The following ZNF568 variants were observed in gnomAD, a reference collection of about 807,000 sequenced individuals.
ZNF568 encodes zinc finger protein 568.
ZNF568 carries 11 observed loss-of-function variants against 18.1 expected under a neutral mutation model. The ratio of observed to expected loss-of-function variants is 0.61; its 90% CI spans 0.38 to 1.00. ZNF568 has a LOEUF of 1.00. Ranked by LOEUF, ZNF568 falls within the 50% of genes least tolerant of loss-of-function variation. The pLI is 0.01. For missense variants in ZNF568, 639 were observed against 768.2 expected (o/e 0.83, Z 1.99); for synonymous variants, 213 against 246.6 (o/e 0.86, Z 1.28).
At chr19:36,963,067 G>A (rs1326858515) in intron 6 of ZNF568, among the ~76,000 whole-genome samples, 1 of 152,078 alleles carries the variant, frequency 6.6e-6, no homozygotes, top group Non-Finnish European at 1.5e-5. Flanking sequence ...TATTAAATAG[G>A]TTTTCATTGC....
Position 36,996,351 on chromosome 19 carries a change from T to C in ZNF568, c.264T>C (p.Ser88=), listed in dbSNP as rs1390614758. Residue 88 remains serine, a synonymous_variant, in exon 5 of 5, where the codon TCT becomes TCC. Transcript: ENST00000433993. ...TTGGAAGAGAAACCAAGAATTTATC[T>C]CCAAAGGAAAACATTTATGAAATTA... 2.0e-6 allele frequency: 3 copies of C among 1,532,766 alleles called. No homozygotes were observed. The South Asian group carries it at 3.6e-5, about 18-fold the overall frequency. The allele number at this position is 1,532,766 out of a possible 1,614,324, so 94.9% of individuals were successfully genotyped here.
chr19:36,924,876 A>C, intron 3 of ZNF568, among the ~76,000 whole-genome samples: 1 of 152,050 alleles, frequency 6.6e-6, no homozygotes, highest in East Asian at 1.9e-4. Flanking sequence ...CCAATCTTTA[A>C]ATTTTTGGGG....
chr19:36,997,220 A>G, exon 5 of ZNF568: 1 of 1,608,916 alleles, frequency 6.2e-7, no homozygotes, highest in Non-Finnish European at 8.5e-7. Flanking sequence ...CATGAATGTA[A>G]GGAATGTGGG....
At position 36,950,226 on chromosome 19, in the gene ZNF568, G is replaced by A; in HGVS notation, c.1073G>A (p.Gly358Glu). Residue 358 changes from glycine to glutamate, a missense_variant, in exon 7 of 7, where the codon GGG becomes GAG. Gly to Glu is a moderately conservative substitution (Grantham distance 98). Transcript: ENST00000333987. ...NLIEHEKIHT[G>E]EKPYACNECG... ...ATTGAGCACGAGAAAATTCATACTG[G>A]GGAGAAACCTTATGCATGTAATGAA... 2 of 1,613,770 alleles carry A rather than the reference G, an allele frequency of 1.2e-6. No individual in the cohort carries two copies. Among genetic ancestry groups the A allele is most frequent in the Non-Finnish European group, 1.7e-6 (2 of 1,179,868 alleles).
In ZNF568 at chr19:36,989,107, T is replaced by C. The variant is rs1026223530; in HGVS notation, c.10-2069T>C. Among the ~76,000 whole-genome samples, 3 of 152,204 alleles carry C rather than the reference T, an allele frequency of 2.0e-5. No homozygotes were observed. In the South Asian group the frequency reaches 6.2e-4, roughly 31 times the overall value. ...TGAACAGATTTCTTTTTCCTAAAAC[T>C]TCTTGGCTTCCCCAGGGACTTGTTC... On this transcript the variant is annotated intron_variant, in intron 2 of 4. Transcript: ENST00000433993.
At chr19:36,997,907 A>G (rs3745768), downstream of ZNF568, 99,945 of 316,180 alleles carry the variant, frequency 0.32, 16,679 homozygotes, top group Non-Finnish European at 0.34. Context: ...CCATGAATGT[A>G]AAGAAAGTAG....
intron 2 of ZNF568, chr19:36,991,117 G>T: frequency 6.7e-7 from 1 of 1,485,272 alleles, no homozygotes; most frequent in Non-Finnish European, 9.0e-7. Context: ...TTTCTTTTAT[G>T]TTGTCTTAAA....
rs147275739 is a variant in ZNF568 at position 36,996,592 on chromosome 19, A to G, written c.505A>G (p.Ile169Val). 835 of 1,535,860 alleles carry G rather than the reference A, an allele frequency of 5.4e-4. 9 individuals are homozygous for G. The African/African-American group carries it at 0.01, about 19-fold the overall frequency. The change falls in exon 5 of 5, where the codon ATT becomes GTT. Residue 169 changes from isoleucine to valine, a missense_variant. Transcript: ENST00000433993. ...TGCTTTTAGGTACCAGTCATGTCCT[A>G]TTCAACATGAAATAATTCATAATAA...
At chr19:36,925,391 C>G in intron 4 of ZNF568, 133 bp downstream of exon 4, 1 of 802,406 alleles carries the variant, frequency 1.2e-6, no homozygotes, top group Non-Finnish European at 2.0e-6. Context: ...GATAGAAAAT[C>G]AGAACCTGGG....
intron 4 of ZNF568, among the ~76,000 whole-genome samples, chr19:36,925,524 A>G (rs991494919): frequency 2.6e-5 from 4 of 152,210 alleles, no homozygotes; most frequent in East Asian, 1.9e-4. Flanking sequence ...CCGTAAGTCC[A>G]TAAGTTGCAC....
intron 6 of ZNF568, among the ~76,000 whole-genome samples, chr19:36,968,842 GGACAA>G (rs1182061828): frequency 6.7e-6 from 1 of 149,974 alleles, no homozygotes; most frequent in Non-Finnish European, 1.5e-5. Context: ...TGAATCTAAG[GGACAA>G]GCATGAATGA....
chr19:36,936,988 T>G, intron 5 of ZNF568, 116 bp downstream of exon 5: 3 of 1,390,138 alleles, frequency 2.2e-6, no homozygotes, highest in Non-Finnish European at 3.0e-6. Flanking sequence ...TGTGACTATA[T>G]GTGCTCCACT....
intron 4 of ZNF568, among the ~76,000 whole-genome samples, chr19:36,933,170 C>T (rs1279125439): frequency 7.9e-6 from 1 of 125,876 alleles, no homozygotes; most frequent in African/African-American, 3.1e-5. Context: ...TAAGCTCTTA[C>T]AGCTAGATCT....
At chr19:36,990,965 C>T in intron 2 of ZNF568, 1 of 479,964 alleles carries the variant, frequency 2.1e-6, no homozygotes, top group South Asian at 3.2e-5. Flanking sequence ...CAGAGGCTAC[C>T]TTTGCAGGAG....
At chr19:36,985,129 T>A (rs1256246757) in intron 2 of ZNF568, among the ~76,000 whole-genome samples, 3 of 152,202 alleles carry the variant, frequency 2.0e-5, no homozygotes, top group Admixed American at 2.0e-4. Flanking sequence ...CTTTTTGAAT[T>A]GCATTCTGCA....
chr19:36,992,578 C>G (rs562106747), intron 4 of ZNF568, among the ~76,000 whole-genome samples: 1 of 152,300 alleles, frequency 6.6e-6, no homozygotes, highest in Admixed American at 6.5e-5. Flanking sequence ...TACCTCCCCC[C>G]TCATTTCAGA....
intron 7 of ZNF568, among the ~76,000 whole-genome samples, chr19:36,974,863 G>A (rs563452290): frequency 2.6e-4 from 32 of 124,202 alleles, no homozygotes; most frequent in African/African-American, 9.9e-4. Context: ...GTCTCGTTCT[G>A]TTGCCCAGGC....
chr19:36,917,372 C>T (rs2073360692), intron 1 of ZNF568, among the ~76,000 whole-genome samples: 1 of 152,166 alleles, frequency 6.6e-6, no homozygotes, highest in Non-Finnish European at 1.5e-5. Context: ...AGCAAAGTTA[C>T]CTCGCAAAGA....
chr19:36,962,288 T>TTG (rs1361478323), intron 6 of ZNF568, among the ~76,000 whole-genome samples: 2 of 144,404 alleles, frequency 1.4e-5, no homozygotes, highest in East Asian at 2.0e-4. Flanking sequence ...TTTTTTTTTT[T>TTG]TTTTTTTTTT....
Sources: gnomAD v4.1 joint callset for allele counts (sites outside exome capture counted in the v4.1 genomes callset) on GRCh38, gnomAD v4.1.1 for gene constraint, MANE v1.5 for transcripts, NCBI Gene and HGNC (gene_info 2026-07-23, HGNC 2026-07-21) for gene names.